Variants in MEIOSIN observed in about 807,000 individuals in gnomAD.
The protein encoded by MEIOSIN is meiosis initiator.
A neutral mutation model predicts 23.4 loss-of-function variants in MEIOSIN; 18 were observed. The ratio of observed to expected loss-of-function variants is 0.77; its 90% CI spans 0.53 to 1.14. The LOEUF (loss-of-function observed/expected upper bound fraction) is 1.14. Ranked by LOEUF, MEIOSIN falls within the 50% of genes most tolerant of loss-of-function variation. MEIOSIN has a pLI of 0.00. For missense variants in MEIOSIN, 428 were observed against 242.9 expected (o/e 1.76, Z -5.07); for synonymous variants, 187 against 100.6 (o/e 1.86, Z -5.14).
chr19:45,756,934 C>G (rs1299078375), intron 8 of MEIOSIN, among the ~76,000 whole-genome samples: 8 of 152,174 alleles, frequency 5.3e-5, no homozygotes, highest in Non-Finnish European at 1.2e-4. Context: ...AACTGCCCAT[C>G]CCTCAGGCTG....
At chr19:45,738,579 G>A (rs920986144) in intron 2 of MEIOSIN, among the ~76,000 whole-genome samples, 14 of 152,284 alleles carry the variant, frequency 9.2e-5, no homozygotes, top group African/African-American at 1.7e-4. Context: ...AGATCGCGCC[G>A]CTGCGCTCCA....
intron 4 of MEIOSIN, among the ~76,000 whole-genome samples, chr19:45,750,155 G>T (rs1968672429): frequency 6.8e-6 from 1 of 147,920 alleles, no homozygotes; most frequent in Non-Finnish European, 1.5e-5. Context: ...TCTTCAGTCG[G>T]CAGAGACCTT....
chr19:45,738,063 C>A (rs1968438693), intron 2 of MEIOSIN, among the ~76,000 whole-genome samples: 1 of 152,116 alleles, frequency 6.6e-6, no homozygotes, highest in African/African-American at 2.4e-5. Context: ...TACTTCCTTT[C>A]TTTTATTCAC....
intron 2 of MEIOSIN, among the ~76,000 whole-genome samples, chr19:45,738,686 G>T (rs1198388940): frequency 3.9e-5 from 6 of 152,332 alleles, no homozygotes; most frequent in Admixed American, 1.3e-4. Context: ...AGAGAAGTAT[G>T]GCTTCTACTG....
chr19:45,758,327 T>A (rs1968872610), intron 9 of MEIOSIN, among the ~76,000 whole-genome samples: 1 of 152,040 alleles, frequency 6.6e-6, no homozygotes, highest in Non-Finnish European at 1.5e-5. Context: ...CTGCAGGTAG[T>A]TATAATCAGC....
intron 2 of MEIOSIN, among the ~76,000 whole-genome samples, chr19:45,735,899 A>C (rs753078780): frequency 1.3e-5 from 2 of 151,714 alleles, no homozygotes. Flanking sequence ...CTAGTCTTCA[A>C]CTCCTGGCTT....
chr19:45,756,651 T>C (rs943009318), intron 8 of MEIOSIN, among the ~76,000 whole-genome samples: 8 of 152,052 alleles, frequency 5.3e-5, no homozygotes, highest in Non-Finnish European at 8.8e-5. Flanking sequence ...CTTGAACTCG[T>C]AGGCTCAAGC....
chr19:45,743,216 G>A (rs1211681233), intron 3 of MEIOSIN, among the ~76,000 whole-genome samples: 1 of 152,124 alleles, frequency 6.6e-6, no homozygotes, highest in East Asian at 1.9e-4. Flanking sequence ...GTAAAACCCA[G>A]AATAAACACC....
At chr19:45,737,395 G>T (rs565532965) in intron 2 of MEIOSIN, among the ~76,000 whole-genome samples, 1 of 151,472 alleles carries the variant, frequency 6.6e-6, no homozygotes, top group South Asian at 2.1e-4. Context: ...GCCGAGGCTG[G>T]TCTCAAACTC....
At position 45,763,960 on chromosome 19, in the gene MEIOSIN, C is replaced by T. The variant is rs957619133; in HGVS notation, c.1770-11C>T. Reference sequence around the variant, plus strand: ...TGAGGAAGCCAGGCCATCCTGCCACCGTCTCCCCAGCACCAAGGCTCGCAG... The same window carrying T: ...TGAGGAAGCCAGGCCATCCTGCCACTGTCTCCCCAGCACCAAGGCTCGCAG... On this transcript the variant is annotated splice_polypyrimidine_tract_variant and intron_variant, in intron 14 of 14. Coordinates refer to ENST00000457052, the MANE Select transcript of MEIOSIN (RefSeq NM_001310124.2). 18 of 398,628 alleles carry T rather than the reference C, an allele frequency of 4.5e-5. No individual in the cohort carries two copies. The highest frequency in any genetic ancestry group is 1.0e-4 in the African/African-American group (5 of 48,632). 24.7% of individuals were successfully genotyped at this position (398,628 alleles called of 1,614,324 possible).
chr19:45,763,552 T>C (rs938683341), intron 14 of MEIOSIN, 125 bp downstream of exon 14: 11 of 397,400 alleles, frequency 2.8e-5, no homozygotes, highest in Non-Finnish European at 3.1e-5. Flanking sequence ...ATTTGCGTGT[T>C]GCCCCTTCTT....
At chr19:45,744,091 A>G (rs1349126142) in intron 3 of MEIOSIN, among the ~76,000 whole-genome samples, 5 of 151,132 alleles carry the variant, frequency 3.3e-5, no homozygotes, top group Non-Finnish European at 5.9e-5. Context: ...GTCACCCACA[A>G]TCTCAGCTCA....
At chr19:45,759,244 G>A (rs1339999798) in intron 10 of MEIOSIN, among the ~76,000 whole-genome samples, 170 bp from the exon 11 acceptor site, 1 of 152,232 alleles carries the variant, frequency 6.6e-6, no homozygotes, top group Non-Finnish European at 1.5e-5. Flanking sequence ...TCTGTGTGTT[G>A]GAGGTGACCC....
chr19:45,756,723 C>T (rs1968837912), intron 8 of MEIOSIN, among the ~76,000 whole-genome samples: 1 of 152,152 alleles, frequency 6.6e-6, no homozygotes, highest in South Asian at 2.1e-4. Flanking sequence ...TGCACCCGGC[C>T]CGGATATTTC....
chr19:45,741,941 C>T (rs57539562), intron 3 of MEIOSIN, among the ~76,000 whole-genome samples: 1 of 151,324 alleles, frequency 6.6e-6, no homozygotes, highest in African/African-American at 2.4e-5. Context: ...GGCACGATCT[C>T]GGTTGCTCAC....
At position 45,756,068 on chromosome 19, in the gene MEIOSIN, C is replaced by A; in HGVS notation, c.901C>A (p.Pro301Thr). ...ARIHFLNKTQPHPRQKLVFYD... is the reference protein window; with the variant it reads ...ARIHFLNKTQTHPRQKLVFYD... ...GATCCATTTTCTCAACAAGACCCAG[C>A]CCCATCCCAGGTAAGGGCGTCCCCA... is the stretch of plus-strand genomic sequence containing the variant. Residue 301 changes from proline to threonine, a missense_variant, in exon 8 of 15, where the codon CCC (proline) becomes ACC (threonine). Coordinates refer to ENST00000457052, the MANE Select transcript of MEIOSIN (RefSeq NM_001310124.2). 2.8e-6 allele frequency: 2 copies of A among 702,816 alleles called. No individual in the cohort carries two copies. Among genetic ancestry groups the A allele is most frequent in the Non-Finnish European group, 5.2e-6 (2 of 384,974 alleles). 43.5% of individuals were successfully genotyped at this position (702,816 alleles called of 1,614,324 possible).
Position 45,761,934 on chromosome 19 carries a change from C to T in MEIOSIN, c.1435-5C>T. ...TCCTCTCTCACCACCCTCTCCCTCC[C>T]CCAGGATATGCAGGCCAACCCTGTG... On this transcript the variant is annotated splice_polypyrimidine_tract_variant and splice_region_variant and intron_variant, in intron 12 of 14. Coordinates refer to ENST00000457052, the MANE Select transcript of MEIOSIN (RefSeq NM_001310124.2). 1.7e-6 allele frequency: 1 copy of T among 599,670 alleles called. No individual in the cohort carries two copies. Among genetic ancestry groups the T allele is most frequent in the Non-Finnish European group, 3.0e-6 (1 of 333,096 alleles). The allele number at this position is 599,670 out of a possible 1,614,324, so 37.1% of individuals were successfully genotyped here. A position where few individuals can be genotyped will look rare whatever the true frequency, so the allele number is the denominator to read the frequency against.
chr19:45,764,258 G>C lies in MEIOSIN; in HGVS notation c.*140G>C, dbSNP rs1330627040. Reference sequence around the variant, plus strand: ...AGGTCCCATGGGACTGGGGAGGGGGGCACTGATTAGCCCCAACCGCTGGGC... The same window carrying C: ...AGGTCCCATGGGACTGGGGAGGGGGCCACTGATTAGCCCCAACCGCTGGGC... On this transcript the variant is annotated 3_prime_UTR_variant, in exon 15 of 15. Transcript: ENST00000457052. The C allele has an allele frequency of 7.6e-6, 3 of 397,208 alleles. No individual in the cohort carries two copies. The highest frequency in any genetic ancestry group is 1.3e-5 in the Non-Finnish European group (3 of 225,748). 24.6% of individuals were successfully genotyped at this position (397,208 alleles called of 1,614,324 possible). A position where few individuals can be genotyped will look rare whatever the true frequency, so the allele number is the denominator to read the frequency against.
intron 2 of MEIOSIN, among the ~76,000 whole-genome samples, chr19:45,738,041 C>A (rs1404171441): frequency 1.3e-5 from 2 of 152,130 alleles, no homozygotes; most frequent in African/African-American, 4.8e-5. Context: ...CAGGCGTGAG[C>A]CACCATGTCT....
Sources: gnomAD v4.1 joint callset for allele counts (sites outside exome capture counted in the v4.1 genomes callset) on GRCh38, gnomAD v4.1.1 for gene constraint, MANE v1.5 for transcripts, NCBI Gene and HGNC (gene_info 2026-07-23, HGNC 2026-07-21) for gene names.